MCTP1: variants seen among roughly 807,000 people sequenced by gnomAD.
MCTP1 encodes multiple C2 and transmembrane domain-containing protein 1.
In MCTP1, 69 loss-of-function variants were observed where a neutral mutation model predicts 120.6. The observed-to-expected ratio is 0.57, with a 90% confidence interval of 0.47 to 0.70. The LOEUF is 0.70. Ranked by LOEUF, MCTP1 falls within the 30% of genes least tolerant of loss-of-function variation. MCTP1 has a pLI of 0.00. For synonymous variants in MCTP1, 529 were observed against 493.1 expected, an observed-to-expected ratio of 1.07 and a Z score of -0.96; for missense variants, 1,203 against 1,248.8, an observed-to-expected ratio of 0.96 and a Z score of 0.55.
intron 16 of MCTP1, 81 bp from the exon 17 acceptor site, chr5:94,868,533 G>T: frequency 2.8e-6 from 3 of 1,058,370 alleles, no homozygotes; most frequent in Middle Eastern, 2.2e-4. Context: ...CAAGCTTATT[G>T]TGACTTAAAA....
chr5:95,232,861 G>GA (rs764525563), intron 1 of MCTP1, among the ~76,000 whole-genome samples: 4 of 152,136 alleles, frequency 2.6e-5, no homozygotes. Flanking sequence ...TAGTATGAGG[G>GA]AAAATGAAAG....
chr5:94,888,898 TA>T lies in MCTP1; in HGVS notation c.1913del (p.Leu638Ter). ...TCTTACCAGTGACGTCGGCAGCCAT[TA>T]ACCCTTCCGCTCTGATGACTTTCAC... ...LQVKVIRAEG[L>X]MAADVTGKSD... On this transcript the variant is annotated frameshift_variant, in exon 12 of 23. Transcript: ENST00000515393. LOFTEE classifies it high-confidence loss of function. The T allele has an allele frequency of 6.2e-7, 1 of 1,613,108 alleles. No homozygotes were observed. Among genetic ancestry groups the T allele is most frequent in the Non-Finnish European group, 8.5e-7 (1 of 1,179,098 alleles).
intron 17 of MCTP1, among the ~76,000 whole-genome samples, chr5:94,803,536 C>T (rs905994523): frequency 2.6e-5 from 4 of 152,172 alleles, no homozygotes; most frequent in Admixed American, 6.5e-5. Context: ...ATTTACTTGG[C>T]AGATTTGAGA....
rs573857990 is a variant in MCTP1 at position 94,870,725 on chromosome 5, G to A, written c.2241+147C>T. ...CAACTATAACAGAAAGTGTGGGTGT[G>A]CCAGGCAGTGGCAGAAGCGTATTCT... is the stretch of plus-strand genomic sequence containing the variant. On this transcript the variant is annotated intron_variant, in intron 15 of 22. Coordinates refer to ENST00000515393, the MANE Select transcript of MCTP1 (RefSeq NM_024717.7). 14 of 685,764 alleles carry A rather than the reference G, an allele frequency of 2.0e-5. No homozygotes were observed. The Admixed American group carries it at 2.1e-4, about 10-fold the overall frequency. The allele number at this position is 685,764 out of a possible 1,614,324, so 42.5% of individuals were successfully genotyped here.
chr5:94,840,812 A>C (rs1328726180), intron 17 of MCTP1, among the ~76,000 whole-genome samples: 1 of 152,224 alleles, frequency 6.6e-6, no homozygotes, highest in Non-Finnish European at 1.5e-5. Flanking sequence ...AATTTCTATA[A>C]AGGTGGTGTT....
At chr5:95,145,729 G>A (rs1485690047) in intron 1 of MCTP1, among the ~76,000 whole-genome samples, 2 of 151,962 alleles carry the variant, frequency 1.3e-5, no homozygotes, top group Admixed American at 6.6e-5. Context: ...CTTGCATCCC[G>A]GGAACACAGT....
rs184734891 is a variant in MCTP1, at chr5:94,864,586, C to G, written c.2436+3747G>C. On this transcript the variant is annotated intron_variant, in intron 17 of 22. Coordinates refer to ENST00000515393, the MANE Select transcript of MCTP1 (RefSeq NM_024717.7). Reference sequence around the variant, plus strand: ...AGCGCTCCGTTCCCCAAGGACTACACAGCAGAACAGAAATTAAATGTGTAA... The same window carrying G: ...AGCGCTCCGTTCCCCAAGGACTACAGAGCAGAACAGAAATTAAATGTGTAA... Among the ~76,000 whole-genome samples the G allele has an allele frequency of 1.8e-3, 275 of 152,010 alleles. 2 individuals carry two copies. Among genetic ancestry groups the G allele is most frequent in the African/African-American group, 5.3e-3 (218 of 41,522 alleles).
chr5:95,056,221 A>AG (rs1257946670), intron 1 of MCTP1, among the ~76,000 whole-genome samples: 1 of 152,242 alleles, frequency 6.6e-6, no homozygotes. Flanking sequence ...TTAGCTCTTA[A>AG]TACATCCACT....
At chr5:95,262,643 C>A (rs1758562599) in intron 1 of MCTP1, among the ~76,000 whole-genome samples, 1 of 152,046 alleles carries the variant, frequency 6.6e-6, no homozygotes. Context: ...AAAATAAATT[C>A]CTTGTAAACA....
chr5:94,937,986 C>T (rs1054054931), intron 5 of MCTP1, among the ~76,000 whole-genome samples: 2 of 152,004 alleles, frequency 1.3e-5, no homozygotes, highest in African/African-American at 4.8e-5. Context: ...TAAGAATATT[C>T]TATCACCAAG....
chr5:95,284,189 C>A lies in MCTP1; in HGVS notation c.387G>T (p.Leu129Phe). 2 of 1,543,478 alleles carry A rather than the reference C, an allele frequency of 1.3e-6. No homozygotes were observed. Among genetic ancestry groups the A allele is most frequent in the Non-Finnish European group, 8.7e-7 (1 of 1,146,154 alleles). Reference protein sequence around the residue: ...STLRRRIREHLLPAVKGPAAA... With the variant: ...STLRRRIREHFLPAVKGPAAA... The stretch of plus-strand genomic sequence containing the variant: ...CCGCGGGCCCCTTTACGGCGGGGAG[C>A]AAATGCTCGCGGATCCGGCGGCGTA... The change falls in exon 1 of 23, where the codon TTG becomes TTT. Residue 129 changes from leucine (L) to phenylalanine (F), a missense_variant. Around this residue, in one of 2 missense-constraint regions of MCTP1, gnomAD observed 463 missense variants for 377.8 expected, o/e 1.23. Transcript: ENST00000515393. This position sits in a 1 kb window ranked among gnomAD's most constrained non-coding sequence, Gnocchi z 5.2.
chr5:95,229,122 C>T lies in MCTP1; in HGVS notation c.720+54734G>A, dbSNP rs536216997. On this transcript the variant is annotated intron_variant, in intron 1 of 22. Transcript: ENST00000515393. ...AGCTTGGAGGACACCAATAGCTGAC[C>T]GAAGCCAGAACAAGCAATTTTACCT... Among the ~76,000 whole-genome samples the T allele has an allele frequency of 5.3e-5, 8 of 152,184 alleles. No homozygotes were observed. The South Asian group carries it at 6.2e-4, about 12-fold the overall frequency.
rs186868320 is a variant in MCTP1 at position 94,750,965 on chromosome 5, C to G, written c.2610+28145G>C. On this transcript the variant is annotated intron_variant, in intron 19 of 22. Transcript: ENST00000515393. Reference sequence around the variant, plus strand: ...AAGGAAATGTCCCCGTCATCCAGAACCGAAACCTGGGCAGGATTCCTTTGG... The same window carrying G: ...AAGGAAATGTCCCCGTCATCCAGAAGCGAAACCTGGGCAGGATTCCTTTGG... Among the ~76,000 whole-genome samples, 303 of 152,300 alleles carry G rather than the reference C, an allele frequency of 2.0e-3. 1 individual carries two copies. The highest frequency in any genetic ancestry group is 6.6e-3 in the African/African-American group (274 of 41,560).
intron 1 of MCTP1, among the ~76,000 whole-genome samples, chr5:95,136,321 GTTATCCT>G (rs1393596690): frequency 6.6e-6 from 1 of 152,144 alleles, no homozygotes; most frequent in Non-Finnish European, 1.5e-5. Flanking sequence ...GACAATTCTT[GTTATCCT>G]TTGGGCTGGT....
At chr5:94,738,731 C>G (rs115225761) in intron 19 of MCTP1, among the ~76,000 whole-genome samples, 3,088 of 152,260 alleles carry the variant, frequency 0.02, 56 homozygotes, top group African/African-American at 0.043. Flanking sequence ...TCCATTATGT[C>G]TGTGGGCTAG....
intron 10 of MCTP1, among the ~76,000 whole-genome samples, chr5:94,902,719 T>A (rs1414289321): frequency 6.6e-6 from 1 of 152,232 alleles, no homozygotes; most frequent in East Asian, 1.9e-4. Context: ...GTTCCATGAC[T>A]ATGCAGAAGT....
At chr5:95,094,504 T>C (rs1219460850) in intron 1 of MCTP1, among the ~76,000 whole-genome samples, 1 of 152,226 alleles carries the variant, frequency 6.6e-6, no homozygotes, top group African/African-American at 2.4e-5. Flanking sequence ...CAATACTGCT[T>C]TTTTCCCTTT....
intron 2 of MCTP1, among the ~76,000 whole-genome samples, chr5:95,006,632 C>T (rs548389358): frequency 6.6e-6 from 1 of 152,090 alleles, no homozygotes; most frequent in Non-Finnish European, 1.5e-5. Flanking sequence ...ACATGACAGG[C>T]CTTTTCTTGA....
chr5:95,061,530 G>T (rs1382858713), intron 1 of MCTP1, among the ~76,000 whole-genome samples: 2 of 138,144 alleles, frequency 1.4e-5, no homozygotes, highest in Non-Finnish European at 1.5e-5. Context: ...CCGCCTCCCG[G>T]GTTCACGCCA....
Sources: allele counts gnomAD v4.1 joint callset (sites outside exome capture counted in the v4.1 genomes callset), GRCh38; gene constraint gnomAD v4.1.1; regional missense constraint gnomAD v4.1.1; non-coding constraint Gnocchi (gnomAD v3.1); transcripts MANE v1.5; gene names NCBI Gene and HGNC (gene_info 2026-07-23, HGNC 2026-07-21).